CHN1: variants seen among roughly 807,000 people sequenced by gnomAD.
CHN1 encodes the protein chimerin 1, also known as N-chimaerin.
In CHN1, 37 loss-of-function variants were observed where a neutral mutation model predicts 59.5. The observed-to-expected ratio is 0.62, with a 90% CI of 0.48 to 0.82. The LOEUF is 0.82. Among genes scored for constraint, CHN1 ranks in the 40% least tolerant of loss-of-function variants. CHN1 has a pLI of 0.00. For synonymous variants in CHN1, 206 were observed against 200.4 expected (o/e 1.03, Z -0.24); for missense variants, 469 against 571.0 (o/e 0.82, Z 1.82).
chr2:174,895,231 C>A (rs1023504105), intron 5 of CHN1, among the ~76,000 whole-genome samples: 2 of 151,550 alleles, frequency 1.3e-5, no homozygotes, highest in Admixed American at 1.3e-4. Flanking sequence ...CACACACACA[C>A]ACACACACAA....
At chr2:174,855,531 A>G (rs187584924) in intron 6 of CHN1, among the ~76,000 whole-genome samples, 31 of 152,284 alleles carry the variant, frequency 2.0e-4, no homozygotes, top group African/African-American at 7.2e-4. Context: ...AGATACACAG[A>G]TTATTCTTAC....
At chr2:174,939,041 T>C (rs540586691) in intron 3 of CHN1, among the ~76,000 whole-genome samples, 1 of 152,308 alleles carries the variant, frequency 6.6e-6, no homozygotes, top group East Asian at 1.9e-4. Flanking sequence ...CAATTTGCTT[T>C]TCTGGTTTTT....
chr2:174,838,528 A>T (rs1686174393), intron 7 of CHN1, among the ~76,000 whole-genome samples: 2 of 152,202 alleles, frequency 1.3e-5, no homozygotes, highest in Non-Finnish European at 2.9e-5. Context: ...TACATATGGT[A>T]TTTCTCCTAT....
intron 5 of CHN1, among the ~76,000 whole-genome samples, chr2:174,878,950 ACAT>A (rs1165327273): frequency 1.3e-5 from 2 of 152,240 alleles, no homozygotes; most frequent in Non-Finnish European, 2.9e-5. Context: ...GGCATGATTA[ACAT>A]CAGTGTCCTT....
intron 7 of CHN1, among the ~76,000 whole-genome samples, chr2:174,828,806 T>C (rs999365821): frequency 6.6e-6 from 1 of 152,220 alleles, no homozygotes; most frequent in Non-Finnish European, 1.5e-5. Flanking sequence ...GGCTTGGGCC[T>C]GAAGCTCTAG....
At chr2:174,850,853 T>C (rs1364382948) in intron 6 of CHN1, among the ~76,000 whole-genome samples, 2 of 152,210 alleles carry the variant, frequency 1.3e-5, no homozygotes, top group Non-Finnish European at 2.9e-5. Flanking sequence ...AGATACTCAG[T>C]ATTGTTAAGG....
At chr2:174,888,273 A>G (rs1687948032) in intron 5 of CHN1, among the ~76,000 whole-genome samples, 1 of 152,222 alleles carries the variant, frequency 6.6e-6, no homozygotes, top group African/African-American at 2.4e-5. Context: ...AGGAAAGGTC[A>G]ATCTGCATCT....
chr2:174,922,941 T>C (rs1689056970), intron 3 of CHN1, among the ~76,000 whole-genome samples: 1 of 152,126 alleles, frequency 6.6e-6, no homozygotes, highest in South Asian at 2.1e-4. Context: ...AATATGTATT[T>C]ATGGCATAAA....
intron 6 of CHN1, among the ~76,000 whole-genome samples, chr2:174,861,839 T>C (rs1558956768): frequency 6.6e-6 from 1 of 152,208 alleles, no homozygotes; most frequent in Non-Finnish European, 1.5e-5. Flanking sequence ...ATTCCACAGG[T>C]TGTTGAATCA....
intron 7 of CHN1, among the ~76,000 whole-genome samples, chr2:174,844,740 T>A (rs1348125956): frequency 6.6e-6 from 1 of 152,180 alleles, no homozygotes; most frequent in African/African-American, 2.4e-5. Context: ...TTATTTTTTA[T>A]AGTGCCACCC....
chr2:174,817,953 A>C (rs1368931197), intron 8 of CHN1, among the ~76,000 whole-genome samples: 1 of 152,054 alleles, frequency 6.6e-6, no homozygotes, highest in Non-Finnish European at 1.5e-5. Context: ...TTGTATTTTT[A>C]GTAGAGATGG....
intron 1 of CHN1, among the ~76,000 whole-genome samples, chr2:174,985,726 T>C (rs1034446220): frequency 9.2e-5 from 14 of 152,180 alleles, no homozygotes; most frequent in African/African-American, 3.4e-4. Context: ...CTGTTTAAAA[T>C]GTTAAATTGA....
At chr2:174,896,697 A>G (rs1317397287) in intron 5 of CHN1, among the ~76,000 whole-genome samples, 1 of 152,074 alleles carries the variant, frequency 6.6e-6, no homozygotes, top group African/African-American at 2.4e-5. Context: ...TCATCCTCTT[A>G]ATCTGCAAAG....
intron 3 of CHN1, among the ~76,000 whole-genome samples, chr2:174,936,400 T>C (rs936220678): frequency 6.6e-6 from 1 of 152,166 alleles, no homozygotes; most frequent in African/African-American, 2.4e-5. Context: ...TTCTCTCATA[T>C]CTCTATCTGA....
rs1692025322 is a variant in CHN1 at position 175,005,152 on chromosome 2, AG to A, written c.-241del. 3.1e-6 allele frequency: 4 copies of A among 1,287,168 alleles called. No individual in the cohort carries two copies. The highest frequency in any genetic ancestry group is 3.0e-6 in the Non-Finnish European group (3 of 1,015,296). 79.7% of individuals were successfully genotyped at this position (1,287,168 alleles called of 1,614,324 possible). A position where few individuals can be genotyped will look rare whatever the true frequency, so the allele number is the denominator to read the frequency against. On this transcript the variant is annotated 5_prime_UTR_variant, in exon 1 of 13. The change abolishes the stop of an existing upstream ORF in the 5' untranslated region. Coordinates refer to ENST00000409900, the MANE Select transcript of CHN1 (RefSeq NM_001822.7). ...CAGGGAGCCCCGCTAGCTCTCCGCG[AG>A]CCGGCACTTGTCGCTGCCATCAGGC...
intron 1 of CHN1, among the ~76,000 whole-genome samples, chr2:174,964,337 T>G (rs1690529151): frequency 2.0e-5 from 3 of 152,216 alleles, no homozygotes; most frequent in Non-Finnish European, 4.4e-5. Flanking sequence ...TATTATTCTC[T>G]CCTAGAACCA....
intron 6 of CHN1, among the ~76,000 whole-genome samples, chr2:174,865,829 G>C (rs905148715): frequency 2.0e-5 from 3 of 152,020 alleles, no homozygotes; most frequent in Non-Finnish European, 2.9e-5. Flanking sequence ...ATCTTTAATC[G>C]GAAAAACCTC....
intron 5 of CHN1, among the ~76,000 whole-genome samples, chr2:174,910,137 T>C (rs78212266): frequency 0.042 from 6,333 of 152,292 alleles, 469 homozygotes; most frequent in African/African-American, 0.14. Flanking sequence ...ATACATTACA[T>C]AGAAAGTGTT....
At chr2:174,873,697 T>C (rs1217043393) in intron 6 of CHN1, among the ~76,000 whole-genome samples, 1 of 152,158 alleles carries the variant, frequency 6.6e-6, no homozygotes, top group Admixed American at 6.5e-5. Flanking sequence ...ACATTTCAAC[T>C]TAAAATTTCA....
Sources: gnomAD v4.1 joint callset for allele counts (sites outside exome capture counted in the v4.1 genomes callset) on GRCh38, gnomAD v4.1.1 for gene constraint, MANE v1.5 for transcripts, NCBI Gene and HGNC (gene_info 2026-07-23, HGNC 2026-07-21) for gene names.